The following ITPR1 variants were observed in gnomAD, a reference collection of about 807,000 sequenced individuals.
ITPR1 encodes the protein inositol 1,4,5-trisphosphate receptor type 1.
Under a neutral mutation model 318.4 loss-of-function variants are expected in ITPR1, and 96 were observed. That is an observed-to-expected ratio of 0.30 (90% confidence interval 0.26 to 0.36). ITPR1 has a LOEUF of 0.36. Among genes scored for constraint, ITPR1 ranks in the 10% least tolerant of loss-of-function variants. The pLI is 1.00. For synonymous variants in ITPR1, 1,312 were observed against 1,289.9 expected (o/e 1.02, Z -0.37); for missense variants, 2,440 against 3,460.2 (o/e 0.71, Z 7.40).
intron 4 of ITPR1, among the ~76,000 whole-genome samples, chr3:4,521,505 G>A (rs575054642): frequency 2.0e-5 from 3 of 152,254 alleles, no homozygotes; most frequent in Admixed American, 6.5e-5. Flanking sequence ...CTCACTGAAT[G>A]TCTCACTGGA....
rs192247062 is a variant in ITPR1, at chr3:4,663,101, C to T, written c.1449C>T (p.Phe483=). The T allele has an allele frequency of 1.4e-4, 222 of 1,613,696 alleles. No homozygotes were observed. In the African/African-American group the frequency reaches 2.7e-3, roughly 20 times the overall value. The change falls in exon 16 of 62, where the codon TTC becomes TTT. Residue 483 remains phenylalanine (F), a synonymous_variant. Coordinates refer to ENST00000649015, the MANE Select transcript of ITPR1 (RefSeq NM_001378452.1). The part of the protein sequence containing the change: ...VTKLLEDLVY[F]VTGGTNSGQD... ...AGCTGCTAGAAGATTTGGTTTACTTCGTCACTGGTGGAACTAATTCTGGTC... is the reference window on the plus strand; with the variant it reads ...AGCTGCTAGAAGATTTGGTTTACTTTGTCACTGGTGGAACTAATTCTGGTC...
chr3:4,650,197 A>C (rs1371110577), intron 10 of ITPR1, among the ~76,000 whole-genome samples: 1 of 152,172 alleles, frequency 6.6e-6, no homozygotes, highest in South Asian at 2.1e-4. Flanking sequence ...ATGAACATTC[A>C]TATGCAACTT....
intron 3 of ITPR1, among the ~76,000 whole-genome samples, chr3:4,518,578 C>T (rs906344696): frequency 6.6e-6 from 1 of 152,144 alleles, no homozygotes; most frequent in Admixed American, 6.5e-5. Flanking sequence ...TTGTGGACTA[C>T]GGTGAGTGAG....
chr3:4,640,695 T>A (rs769876027), intron 6 of ITPR1, among the ~76,000 whole-genome samples: 26 of 152,390 alleles, frequency 1.7e-4, no homozygotes, highest in Non-Finnish European at 3.4e-4. Context: ...ATGTATCACT[T>A]TGCTCACCAG....
At chr3:4,738,987 G>A (rs949379684) in intron 44 of ITPR1, among the ~76,000 whole-genome samples, 2 of 152,228 alleles carry the variant, frequency 1.3e-5, no homozygotes, top group Non-Finnish European at 2.9e-5. Context: ...TGTCTCACAG[G>A]AGGCCGATGG....
chr3:4,697,680 G>C (rs141761330), intron 34 of ITPR1, among the ~76,000 whole-genome samples: 52 of 152,070 alleles, frequency 3.4e-4, no homozygotes, highest in African/African-American at 1.1e-3. Context: ...TTGAACTCCT[G>C]ACCTCAAATG....
In ITPR1 at chr3:4,687,147, A is replaced by G. The variant is rs189903883; in HGVS notation, c.3703-1348A>G. Among the ~76,000 whole-genome samples the G allele has an allele frequency of 4.9e-4, 75 of 152,354 alleles. 2 individuals are homozygous for G. The highest frequency in any genetic ancestry group is 4.8e-3 in the Admixed American group (74 of 15,302). ...CACCACCTGTTTTGAACAGCATATC[A>G]GCTAGGAATGGTTATTACATTTTAA... On this transcript the variant is annotated intron_variant, in intron 30 of 61. Transcript: ENST00000649015.
At chr3:4,753,888 T>C (rs2044741395) in intron 44 of ITPR1, among the ~76,000 whole-genome samples, 1 of 152,128 alleles carries the variant, frequency 6.6e-6, no homozygotes, top group Non-Finnish European at 1.5e-5. Context: ...TCCTCCTCTT[T>C]CTCCATTGCA....
At chr3:4,828,315 A>G (rs2050214146) in intron 60 of ITPR1, among the ~76,000 whole-genome samples, 1 of 152,224 alleles carries the variant, frequency 6.6e-6, no homozygotes. Flanking sequence ...ATACATAGCC[A>G]CTGGGAATGT....
At chr3:4,538,200 G>GA (rs1051930260) in intron 4 of ITPR1, among the ~76,000 whole-genome samples, 2 of 151,522 alleles carry the variant, frequency 1.3e-5, no homozygotes, top group Non-Finnish European at 1.5e-5. Flanking sequence ...AAATTTACAA[G>GA]AAAAAAACCA....
In ITPR1 at chr3:4,644,239, G is replaced by A; in HGVS notation, c.624+5G>A. On this transcript the variant is annotated splice_donor_5th_base_variant and intron_variant, in intron 8 of 61. Coordinates refer to ENST00000649015, the MANE Select transcript of ITPR1 (RefSeq NM_001378452.1). Reference sequence around the variant, plus strand: ...GATAACCCAGGCTGCAATGAGGTAAGGACATTGAGTTATGTGTGTGGGTGT... The same window carrying A: ...GATAACCCAGGCTGCAATGAGGTAAAGACATTGAGTTATGTGTGTGGGTGT... 6.3e-7 allele frequency: 1 copy of A among 1,589,596 alleles called. No individual in the cohort carries two copies. Among genetic ancestry groups the A allele is most frequent in the East Asian group, 2.3e-5 (1 of 44,288 alleles).
At chr3:4,713,429 A>G (rs1018881296) in intron 39 of ITPR1, among the ~76,000 whole-genome samples, 4 of 152,206 alleles carry the variant, frequency 2.6e-5, no homozygotes, top group African/African-American at 9.6e-5. Flanking sequence ...TTATACATGC[A>G]GTTCCCTGCA....
chr3:4,693,366 AG>A, intron 32 of ITPR1, 123 bp from the exon 33 acceptor site: 1 of 1,063,496 alleles, frequency 9.4e-7, no homozygotes, highest in Non-Finnish European at 1.4e-6. Flanking sequence ...AAGTCAAAAT[AG>A]GTAAGACTGA....
In ITPR1 at chr3:4,660,991, C is replaced by T. The variant is rs1452980250; in HGVS notation, c.1155C>T (p.Asn385=). The T allele has an allele frequency of 1.9e-6, 3 of 1,556,048 alleles. No individual in the cohort carries two copies. The highest frequency in any genetic ancestry group is 2.6e-6 in the Non-Finnish European group (3 of 1,135,504). Residue 385 remains asparagine, a synonymous_variant, in exon 14 of 62, where the codon AAC becomes AAT. Transcript: ENST00000649015. The part of the protein sequence containing the change: ...LRGGDSLVPR[N]SYVRLRHLCT... ...ACCCTCCTTTTTTCCCTGTTAGGAA[C>T]TCTTATGTTCGGCTCAGACACCTAT...
intron 4 of ITPR1, among the ~76,000 whole-genome samples, chr3:4,595,427 C>T (rs371231221): frequency 2.6e-5 from 4 of 152,128 alleles, no homozygotes; most frequent in East Asian, 1.9e-4. Flanking sequence ...GGTGATGGTG[C>T]GAAGCCATTC....
At chr3:4,521,708 A>G (rs1382359228) in intron 4 of ITPR1, among the ~76,000 whole-genome samples, 1 of 152,132 alleles carries the variant, frequency 6.6e-6, no homozygotes, top group African/African-American at 2.4e-5. Context: ...GTCTCTACTG[A>G]AAATACAGAA....
intron 4 of ITPR1, among the ~76,000 whole-genome samples, chr3:4,614,252 C>A (rs887032465): frequency 1.3e-5 from 2 of 152,164 alleles, no homozygotes; most frequent in African/African-American, 4.8e-5. Context: ...GGTGACAGAA[C>A]AAGACCTTAT....
chr3:4,728,640 T>C (rs541523575), intron 42 of ITPR1, among the ~76,000 whole-genome samples: 5 of 152,372 alleles, frequency 3.3e-5, no homozygotes, highest in East Asian at 3.9e-4. Context: ...AATTATGTTA[T>C]TGTTGACTGT....
intron 4 of ITPR1, among the ~76,000 whole-genome samples, chr3:4,594,512 C>G (rs1378477873): frequency 1.3e-5 from 2 of 152,124 alleles, no homozygotes; most frequent in Non-Finnish European, 2.9e-5. Flanking sequence ...TCGATGAGAG[C>G]CAAATCCCTT....
Sources: allele counts gnomAD v4.1 joint callset (sites outside exome capture counted in the v4.1 genomes callset), GRCh38; gene constraint gnomAD v4.1.1; transcripts MANE v1.5; gene names NCBI Gene and HGNC (gene_info 2026-07-23, HGNC 2026-07-21).